FARP2: variants seen among roughly 807,000 people sequenced by gnomAD.
The protein encoded by FARP2 is FERM, ARH/RhoGEF and pleckstrin domain protein 2.
A neutral mutation model predicts 130.5 loss-of-function variants in FARP2; 111 were observed. The ratio of observed to expected loss-of-function variants is 0.85; its 90% confidence interval spans 0.73 to 1.00. The LOEUF is 1.00. Ranked by LOEUF, FARP2 falls within the 50% of genes least tolerant of loss-of-function variation. The pLI is 0.00. For missense variants in FARP2, 1,385 were observed against 1,346.3 expected, an observed-to-expected ratio of 1.03 and a Z score of -0.45; for synonymous variants, 504 against 516.9, an observed-to-expected ratio of 0.98 and a Z score of 0.34.
At chr2:241,378,881 T>C (rs1048321568) in intron 2 of FARP2, among the ~76,000 whole-genome samples, 2 of 152,246 alleles carry the variant, frequency 1.3e-5, no homozygotes, top group Non-Finnish European at 2.9e-5. Flanking sequence ...TTTTTTTATC[T>C]AGGAAAGTCT....
chr2:241,452,251 CTG>C (rs2063678983), intron 13 of FARP2, among the ~76,000 whole-genome samples: 1 of 152,208 alleles, frequency 6.6e-6, no homozygotes, highest in Non-Finnish European at 1.5e-5. Context: ...TGTTTTCTCA[CTG>C]TGGAGTACAT....
intron 12 of FARP2, 34 bp from the exon 13 acceptor site, chr2:241,441,270 A>G: frequency 6.5e-7 from 1 of 1,533,096 alleles, no homozygotes; most frequent in East Asian, 2.3e-5. Flanking sequence ...GTAATTTTAT[A>G]TCCTTTTTTT....
intron 12 of FARP2, among the ~76,000 whole-genome samples, chr2:241,438,630 T>G (rs143996503): frequency 0.01 from 1,507 of 149,824 alleles, 16 homozygotes; most frequent in Middle Eastern, 0.02. Context: ...GGTTTTTTTT[T>G]TTTGTTTTTT....
intron 18 of FARP2, among the ~76,000 whole-genome samples, chr2:241,471,959 GAA>G (rs2064328836): frequency 5.9e-4 from 37 of 62,262 alleles, no homozygotes; most frequent in East Asian, 7.1e-4. Context: ...TGTTCTGAAG[GAA>G]TCCTGTTGTG....
At chr2:241,392,431 G>A (rs1429206161) in intron 2 of FARP2, among the ~76,000 whole-genome samples, 1 of 152,182 alleles carries the variant, frequency 6.6e-6, no homozygotes, top group East Asian at 1.9e-4. Flanking sequence ...GGTTCAAATT[G>A]GGGGATTTCA....
intron 8 of FARP2, among the ~76,000 whole-genome samples, chr2:241,425,516 T>C (rs1315181035): frequency 1.3e-5 from 2 of 151,698 alleles, no homozygotes; most frequent in Admixed American, 1.3e-4. Flanking sequence ...GGCCTGGAAC[T>C]ATTCCGTAGC....
intron 2 of FARP2, among the ~76,000 whole-genome samples, chr2:241,381,518 G>C (rs1005910321): frequency 6.6e-6 from 1 of 152,120 alleles, no homozygotes; most frequent in South Asian, 2.1e-4. Flanking sequence ...GAACACAACA[G>C]ACCTCAGAGC....
At chr2:241,493,229 G>C in intron 25 of FARP2, 64 bp from the exon 26 acceptor site, 2 of 1,556,490 alleles carry the variant, frequency 1.3e-6, no homozygotes. Context: ...GCAGGTAGCA[G>C]AGGAATGGGC....
intron 8 of FARP2, among the ~76,000 whole-genome samples, chr2:241,430,522 G>A (rs2063064276): frequency 6.6e-6 from 1 of 152,032 alleles, no homozygotes; most frequent in South Asian, 2.1e-4. Flanking sequence ...GCTGAAACCA[G>A]GAATTCCCAT....
chr2:241,494,008 G>A lies in FARP2; in HGVS notation c.3048G>A (p.Arg1016=), dbSNP rs753561627. ...FRAESKYTFE[R]WMEVIQGASS... The stretch of plus-strand genomic sequence containing the variant: ...GTCTGATGGCCGCCCTCTCCTCCAG[G>A]TGGATGGAGGTGATCCAGGGGGCCA... The change falls in exon 27 of 27, where the codon AGG becomes AGA. Residue 1016 remains arginine (R), a splice_region_variant and synonymous_variant. Transcript: ENST00000264042. The surrounding 1 kb of genome is among the most constrained non-coding windows in gnomAD (Gnocchi z 4.9). 2.9e-6 allele frequency: 4 copies of A among 1,384,124 alleles called. No homozygotes were observed. Among genetic ancestry groups the A allele is most frequent in the Non-Finnish European group, 3.8e-6 (4 of 1,064,584 alleles). The allele number at this position is 1,384,124 out of a possible 1,614,324, so 85.7% of individuals were successfully genotyped here. A position where few individuals can be genotyped will look rare whatever the true frequency, so the allele number is the denominator to read the frequency against.
At chr2:241,392,661 T>G (rs1174213097) in intron 2 of FARP2, among the ~76,000 whole-genome samples, 2 of 152,084 alleles carry the variant, frequency 1.3e-5, no homozygotes, top group Non-Finnish European at 2.9e-5. Flanking sequence ...AGTAGCAGTC[T>G]GGATGTGTTG....
chr2:241,403,954 A>AAAGGCTCCACGCCTG, intron 3 of FARP2, 22 bp downstream of exon 3: 1 of 1,407,154 alleles, frequency 7.1e-7, no homozygotes, highest in Non-Finnish European at 1.0e-6. Flanking sequence ...TGACGTGCCC[A>AAAGGCTCCACGCCTG]GGCGTGGAGC....
intron 5 of FARP2, among the ~76,000 whole-genome samples, chr2:241,408,862 G>C (rs2062435238): frequency 6.6e-6 from 1 of 152,120 alleles, no homozygotes; most frequent in South Asian, 2.1e-4. Flanking sequence ...AGGAAATGGA[G>C]AGACCACATT....
chr2:241,442,435 C>T (rs1159899145), intron 13 of FARP2: 2 of 456,620 alleles, frequency 4.4e-6, no homozygotes, highest in Admixed American at 2.3e-5. Context: ...CTTCAGCAAC[C>T]CTTTTGCACA....
At position 241,370,703 on chromosome 2, in the gene FARP2, A is replaced by G. The variant is rs192725725; in HGVS notation, c.-24-2381A>G. Among the ~76,000 whole-genome samples, 498 of 152,330 alleles carry G rather than the reference A, an allele frequency of 3.3e-3. 5 individuals carry two copies. The highest frequency in any genetic ancestry group is 0.012 in the African/African-American group (482 of 41,574). ...TTAATATTAGTGTTGCAAAAACGGT[A>G]ATTTTGTTAAAGTGTTGTTCTGTTT... On this transcript the variant is annotated intron_variant, in intron 1 of 26. Transcript: ENST00000264042.
intron 12 of FARP2, among the ~76,000 whole-genome samples, chr2:241,438,079 G>A (rs189128576): frequency 4.6e-5 from 7 of 152,292 alleles, no homozygotes; most frequent in Admixed American, 4.6e-4. Context: ...AAAGTGCTTG[G>A]ATTATAGGCA....
At chr2:241,358,223 TAAC>T (rs1484090571) in intron 1 of FARP2, among the ~76,000 whole-genome samples, 1 of 152,186 alleles carries the variant, frequency 6.6e-6, no homozygotes, top group Non-Finnish European at 1.5e-5. Flanking sequence ...AAAGCTGTGT[TAAC>T]AAGATGCCTG....
chr2:241,458,276 G>T (rs1429489922), intron 14 of FARP2, among the ~76,000 whole-genome samples: 1 of 152,104 alleles, frequency 6.6e-6, no homozygotes, highest in Non-Finnish European at 1.5e-5. Context: ...AGGCCATGGG[G>T]CCTCTAGGAG....
chr2:241,406,076 G>A (rs1017048058), intron 4 of FARP2, among the ~76,000 whole-genome samples: 9 of 152,048 alleles, frequency 5.9e-5, no homozygotes, highest in African/African-American at 1.7e-4. Context: ...GGCCAAGGTG[G>A]GCAGATCACA....
Sources: allele counts gnomAD v4.1 joint callset (sites outside exome capture counted in the v4.1 genomes callset), GRCh38; gene constraint gnomAD v4.1.1; non-coding constraint Gnocchi (gnomAD v3.1); transcripts MANE v1.5; gene names NCBI Gene and HGNC (gene_info 2026-07-23, HGNC 2026-07-21).